CTTNBP2: variants seen among roughly 807,000 people sequenced by gnomAD.
The protein encoded by CTTNBP2 is cortactin-binding protein 2.
In CTTNBP2, 108 loss-of-function variants were observed where a neutral mutation model predicts 156.9. The ratio of observed to expected loss-of-function variants is 0.69; its 90% confidence interval spans 0.59 to 0.81. The LOEUF (loss-of-function observed/expected upper bound fraction) is 0.81, where lower values mean the gene tolerates loss of function less well. Ranked by LOEUF, CTTNBP2 falls within the 30% of genes least tolerant of loss-of-function variation. The probability of loss-of-function intolerance (pLI) is 0.00; values close to 1 mark genes in which losing one functional copy is unlikely to be tolerated. For synonymous variants in CTTNBP2, 767 were observed against 751.8 expected (o/e 1.02, Z -0.33); for missense variants, 1,924 against 2,035.4 (o/e 0.95, Z 1.05).
chr7:117,797,858 A>G (rs1383503982), intron 3 of CTTNBP2, among the ~76,000 whole-genome samples: 4 of 152,170 alleles, frequency 2.6e-5, no homozygotes, highest in African/African-American at 9.7e-5. Context: ...CCAAAAAGAG[A>G]AAAAAGACAG....
At chr7:117,818,778 T>C (rs1800775702) in intron 2 of CTTNBP2, among the ~76,000 whole-genome samples, 1 of 152,232 alleles carries the variant, frequency 6.6e-6, no homozygotes. Flanking sequence ...ACTCTTTCAA[T>C]ATCTGAAAGC....
chr7:117,837,040 G>C (rs1801996962), intron 2 of CTTNBP2, among the ~76,000 whole-genome samples: 2 of 152,214 alleles, frequency 1.3e-5, no homozygotes, highest in South Asian at 4.1e-4. Flanking sequence ...TCCAGGGTCA[G>C]TGTTTTGCCT....
At position 117,724,656 on chromosome 7, in the gene CTTNBP2, G is replaced by A; in HGVS notation, c.4338C>T (p.Asn1446=). 1 of 1,614,078 alleles carries A rather than the reference G, an allele frequency of 6.2e-7. No individual in the cohort carries two copies. ...LSIVSSYNTC[N]KKKGESGAWR... ...AGGCACCACTCTCTCCTTTCTTCTT[G>A]TTACAAGTGTTATAACTGGAAACTA... Residue 1446 remains asparagine, a synonymous_variant, in exon 19 of 23, where the codon AAC becomes AAT. Transcript: ENST00000160373.
intron 12 of CTTNBP2, among the ~76,000 whole-genome samples, chr7:117,747,618 C>T (rs1796404058): frequency 6.6e-6 from 1 of 152,088 alleles, no homozygotes; most frequent in Non-Finnish European, 1.5e-5. Flanking sequence ...ACTAAAAATA[C>T]AAAAATTAGC....
chr7:117,866,627 G>A (rs921669156), intron 1 of CTTNBP2, among the ~76,000 whole-genome samples: 13 of 152,228 alleles, frequency 8.5e-5, no homozygotes, highest in African/African-American at 2.4e-4. Context: ...GCAAAGTAGG[G>A]CAAATCATTT....
chr7:117,839,001 G>A (rs1302465910), intron 2 of CTTNBP2, among the ~76,000 whole-genome samples: 1 of 150,326 alleles, frequency 6.7e-6, no homozygotes, highest in Admixed American at 6.6e-5. Context: ...TCCTCCAAAG[G>A]ATTTTTTTAA....
chr7:117,819,356 T>TTCTCTCTC (rs144262146), intron 2 of CTTNBP2, among the ~76,000 whole-genome samples: 2,845 of 127,048 alleles, frequency 0.022, 54 homozygotes, highest in South Asian at 0.042. Flanking sequence ...TCTTTTCTCC[T>TTCTCTCTC]TCTCTCTCTC....
chr7:117,765,094 C>A (rs927803334), intron 9 of CTTNBP2, among the ~76,000 whole-genome samples: 4 of 152,114 alleles, frequency 2.6e-5, no homozygotes, highest in Admixed American at 2.6e-4. Context: ...TGCCACCACG[C>A]CCAGATAATT....
At chr7:117,869,324 C>G (rs1804421589) in intron 1 of CTTNBP2, among the ~76,000 whole-genome samples, 1 of 152,120 alleles carries the variant, frequency 6.6e-6, no homozygotes, top group Non-Finnish European at 1.5e-5. Flanking sequence ...TGGTAACACA[C>G]AAAGTGAGTT....
chr7:117,775,748 T>C (rs1798062435), intron 8 of CTTNBP2, among the ~76,000 whole-genome samples: 1 of 152,166 alleles, frequency 6.6e-6, no homozygotes, highest in South Asian at 2.1e-4. Flanking sequence ...CTAGATTAAC[T>C]GTGCATATTC....
intron 9 of CTTNBP2, among the ~76,000 whole-genome samples, chr7:117,761,963 T>A (rs1797239326): frequency 6.6e-6 from 1 of 152,204 alleles, no homozygotes; most frequent in South Asian, 2.1e-4. Context: ...ATTTTCTGAC[T>A]CTCAGTCATC....
intron 2 of CTTNBP2, 85 bp downstream of exon 2, chr7:117,861,124 A>G (rs1803706855): frequency 3.8e-6 from 3 of 779,690 alleles, no homozygotes; most frequent in African/African-American, 1.8e-5. Flanking sequence ...TTTGATTCAA[A>G]AATTAAGAAA....
rs1794025297 is a variant in CTTNBP2, at chr7:117,711,009, T to C, written c.*528A>G. The C allele has an allele frequency of 1.3e-5, 2 of 152,700 alleles. No homozygotes were observed. The highest frequency in any genetic ancestry group is 4.8e-5 in the African/African-American group (2 of 41,470). The allele number at this position is 152,700 out of a possible 1,614,324, so 9.5% of individuals were successfully genotyped here. ...AATTTAACAAGCAAAATACTTAATA[T>C]GGCTTTTAATGGAAAATAACTGTTT... On this transcript the variant is annotated 3_prime_UTR_variant, in exon 23 of 23. Coordinates refer to ENST00000160373, the MANE Select transcript of CTTNBP2 (RefSeq NM_033427.3).
Position 117,784,475 on chromosome 7 carries a change from C to T in CTTNBP2, c.2069-21G>A, listed in dbSNP as rs755481072. On this transcript the variant is annotated intron_variant, in intron 4 of 22. Transcript: ENST00000160373. ...CCAGCCTGTAGGTTAAAGTGACCCT[C>T]GTTAGAGAGTAGGAGCAAGGACAAG... 7 of 1,539,634 alleles carry T rather than the reference C, an allele frequency of 4.5e-6. No individual in the cohort carries two copies. In the African/African-American group the frequency reaches 5.5e-5, roughly 12 times the overall value.
chr7:117,821,871 T>A (rs1281880022), intron 2 of CTTNBP2, among the ~76,000 whole-genome samples: 1 of 152,174 alleles, frequency 6.6e-6, no homozygotes, highest in Non-Finnish European at 1.5e-5. Flanking sequence ...ATTACAGGCG[T>A]GAGCCACCGC....
In CTTNBP2 at chr7:117,756,606, C is replaced by CA; in HGVS notation, c.3296dup (p.Thr1100AspfsTer19). On this transcript the variant is annotated frameshift_variant, in exon 12 of 23. Transcript: ENST00000160373. LOFTEE classifies it high-confidence loss of function. ...GGAGAGGGATCATGGAGGCATAAGT[C>CA]ACACTACTGAGACAGCCTTCTTGAG... 1 of 1,613,686 alleles carries CA rather than the reference C, an allele frequency of 6.2e-7. No individual in the cohort carries two copies. The highest frequency in any genetic ancestry group is 8.5e-7 in the Non-Finnish European group (1 of 1,179,642).
intron 17 of CTTNBP2, among the ~76,000 whole-genome samples, chr7:117,726,368 G>A (rs191909621): frequency 1.2e-4 from 18 of 152,190 alleles, no homozygotes; most frequent in East Asian, 7.7e-4. Context: ...CTACACAATC[G>A]GGGGAAAAAT....
At chr7:117,781,140 T>C (rs949515440) in intron 6 of CTTNBP2, among the ~76,000 whole-genome samples, 2 of 152,168 alleles carry the variant, frequency 1.3e-5, no homozygotes, top group African/African-American at 4.8e-5. Flanking sequence ...TCAGGCTAGT[T>C]GATGAGGAAA....
At chr7:117,736,666 A>G (rs1191127758) in intron 14 of CTTNBP2, among the ~76,000 whole-genome samples, 1 of 152,216 alleles carries the variant, frequency 6.6e-6, no homozygotes, top group Non-Finnish European at 1.5e-5. Context: ...TGAAAAATTA[A>G]TATTATATAT....
Sources: gnomAD v4.1 joint callset for allele counts (sites outside exome capture counted in the v4.1 genomes callset) on GRCh38, gnomAD v4.1.1 for gene constraint, MANE v1.5 for transcripts, NCBI Gene and HGNC (gene_info 2026-07-23, HGNC 2026-07-21) for gene names.